SORCS3: variants seen among roughly 807,000 people sequenced by gnomAD.
SORCS3 encodes VPS10 domain-containing receptor SorCS3.
SORCS3 carries 57 observed loss-of-function variants against 146.3 expected under a neutral mutation model. The observed-to-expected ratio is 0.39, with a 90% confidence interval of 0.31 to 0.49. The LOEUF (loss-of-function observed/expected upper bound fraction) is 0.49, where lower values mean the gene tolerates loss of function less well. Among genes scored for constraint, SORCS3 ranks in the 20% least tolerant of loss-of-function variants. SORCS3 has a pLI of 0.92. For synonymous variants in SORCS3, 653 were observed against 618.5 expected (o/e 1.06, Z -0.83); for missense variants, 1,341 against 1,575.5 (o/e 0.85, Z 2.52).
At chr10:105,088,639 G>A (rs1481504136) in intron 5 of SORCS3, among the ~76,000 whole-genome samples, 2 of 152,104 alleles carry the variant, frequency 1.3e-5, no homozygotes, top group African/African-American at 4.8e-5. Flanking sequence ...CTTTTCTTCT[G>A]TGCCTTCAGC....
chr10:104,843,228 A>T (rs1180372613), intron 2 of SORCS3, among the ~76,000 whole-genome samples: 2 of 152,118 alleles, frequency 1.3e-5, no homozygotes, highest in Non-Finnish European at 2.9e-5. Flanking sequence ...TGTCTTGGCC[A>T]AAGGACTGCC....
rs763004548 is a variant in SORCS3 at position 105,263,410 on chromosome 10, T to C, written c.*36T>C. 4.4e-6 allele frequency: 7 copies of C among 1,595,342 alleles called. No homozygotes were observed. The East Asian group carries it at 1.6e-4, about 36-fold the overall frequency. ...CCACGTGGTCAACCACCTTTCTGAC[T>C]TTTTATTTTTGATGATTACTATTAC... On this transcript the variant is annotated 3_prime_UTR_variant, in exon 27 of 27. Transcript: ENST00000369701.
intron 25 of SORCS3, among the ~76,000 whole-genome samples, chr10:105,260,075 T>C (rs951375463): frequency 6.6e-6 from 1 of 152,218 alleles, no homozygotes; most frequent in Admixed American, 6.5e-5. Flanking sequence ...GATACAAAAT[T>C]TATTCTCTTC....
intron 2 of SORCS3, among the ~76,000 whole-genome samples, chr10:104,876,194 G>A (rs1357527175): frequency 6.6e-6 from 1 of 152,142 alleles, no homozygotes; most frequent in Non-Finnish European, 1.5e-5. Flanking sequence ...AAACATTCCT[G>A]AAAGAGATTT....
At chr10:104,707,613 A>G (rs1449228116) in intron 1 of SORCS3, among the ~76,000 whole-genome samples, 1 of 152,212 alleles carries the variant, frequency 6.6e-6, no homozygotes, top group Non-Finnish European at 1.5e-5. Context: ...GAGGACCTGA[A>G]TCACATTCAA....
At chr10:104,736,218 A>G (rs1030575463) in intron 1 of SORCS3, among the ~76,000 whole-genome samples, 2 of 152,106 alleles carry the variant, frequency 1.3e-5, no homozygotes, top group Admixed American at 6.6e-5. Context: ...TCATTCCTGA[A>G]CTTGGCCAGT....
chr10:105,263,765 C>T lies in SORCS3; in HGVS notation c.*391C>T, dbSNP rs1029342092. On this transcript the variant is annotated 3_prime_UTR_variant, in exon 27 of 27. Transcript: ENST00000369701. Reference sequence around the variant, plus strand: ...CTCTCCGCTTCCCCCAGCACACACACATACAACACAGATCATTTCCCAGTT... The same window carrying T: ...CTCTCCGCTTCCCCCAGCACACACATATACAACACAGATCATTTCCCAGTT... The T allele has an allele frequency of 1.1e-5, 2 of 189,276 alleles. No homozygotes were observed. Among genetic ancestry groups the T allele is most frequent in the South Asian group, 2.3e-4 (2 of 8,768 alleles). 11.7% of individuals were successfully genotyped at this position (189,276 alleles called of 1,614,324 possible). A position where few individuals can be genotyped will look rare whatever the true frequency, so the allele number is the denominator to read the frequency against.
chr10:105,143,091 T>C (rs1242149930), intron 8 of SORCS3, among the ~76,000 whole-genome samples: 1 of 152,144 alleles, frequency 6.6e-6, no homozygotes, highest in African/African-American at 2.4e-5. Context: ...TACATCCATC[T>C]ATCCACTATT....
At position 104,722,993 on chromosome 10, in the gene SORCS3, A is replaced by G. The variant is rs550993958; in HGVS notation, c.627+81039A>G. On this transcript the variant is annotated intron_variant, in intron 1 of 26. Transcript: ENST00000369701. ...CTCTATTTCCTTCAGTTCTGCTCTG[A>G]TCTTAGTTATTTCTTGCCTTCTGCT... is the stretch of plus-strand genomic sequence containing the variant. Among the ~76,000 whole-genome samples, 323 of 151,874 alleles carry G rather than the reference A, an allele frequency of 2.1e-3. 1 individual carries two copies. Among genetic ancestry groups the G allele is most frequent in the African/African-American group, 7.5e-3 (310 of 41,406 alleles).
rs375407867 is a variant in SORCS3 at position 105,217,031 on chromosome 10, C to T, written c.2643C>T (p.His881=). The part of the protein sequence containing the change: ...NFSPIEDGIK[H]VYKSAGIFQV... The stretch of plus-strand genomic sequence containing the variant: ...GCCCCATCGAGGACGGCATCAAGCA[C>T]GTGTATAAGAGTGCGGGGATCTTCC... The change falls in exon 19 of 27, where the codon CAC becomes CAT. Residue 881 remains histidine, a synonymous_variant. Transcript: ENST00000369701. 21 of 1,614,036 alleles carry T rather than the reference C, an allele frequency of 1.3e-5. No homozygotes were observed. The highest frequency in any genetic ancestry group is 6.7e-5 in the Admixed American group (4 of 59,996).
intron 5 of SORCS3, among the ~76,000 whole-genome samples, chr10:105,053,751 G>T (rs2055428201): frequency 6.6e-6 from 1 of 151,562 alleles, no homozygotes; most frequent in African/African-American, 2.4e-5. Context: ...CTAATCTATG[G>T]ATATATAATA....
intron 2 of SORCS3, among the ~76,000 whole-genome samples, chr10:104,902,906 T>G (rs1173899317): frequency 6.6e-6 from 1 of 152,194 alleles, no homozygotes; most frequent in African/African-American, 2.4e-5. Flanking sequence ...TAATTTTGAC[T>G]CCAAGCATTC....
chr10:104,641,377 T>G lies in SORCS3; in HGVS notation c.50T>G (p.Leu17Arg). 1 of 1,427,202 alleles carries G rather than the reference T, an allele frequency of 7.0e-7. No individual in the cohort carries two copies. Among genetic ancestry groups the G allele is most frequent in the Non-Finnish European group, 9.1e-7 (1 of 1,093,524 alleles). 88.4% of individuals were successfully genotyped at this position (1,427,202 alleles called of 1,614,324 possible). A position where few individuals can be genotyped will look rare whatever the true frequency, so the allele number is the denominator to read the frequency against. ...ERPAGRPGAPLVRTGLLLLST... is the reference protein window; with the variant it reads ...ERPAGRPGAPRVRTGLLLLST... ...CCCGCAGGCAGGCCGGGGGCGCCGCTTGTCCGGACGGGGCTCCTACTCTTG... is the reference window on the plus strand; with the variant it reads ...CCCGCAGGCAGGCCGGGGGCGCCGCGTGTCCGGACGGGGCTCCTACTCTTG... The change falls in exon 1 of 27, where the codon CTT (leucine) becomes CGT (arginine). Residue 17 changes from leucine to arginine, a missense_variant. Leu to Arg is a moderately radical substitution (Grantham distance 102, BLOSUM62 -2). Transcript: ENST00000369701. The surrounding 1 kb of genome is among the most constrained non-coding windows in gnomAD (Gnocchi z 6.4).
rs1431593008 is a variant in SORCS3, at chr10:104,894,465, G to A, written c.696-21368G>A. Among the ~76,000 whole-genome samples, 4 of 152,322 alleles carry A rather than the reference G, an allele frequency of 2.6e-5. 1 individual carries two copies. The highest frequency in any genetic ancestry group is 2.0e-4 in the Admixed American group (3 of 15,304). Reference sequence around the variant, plus strand: ...CTGGAAAATGACTTTGTGCTCCTTAGCTGTGCTTTAGCAAGGCAAATTTGA... The same window carrying A: ...CTGGAAAATGACTTTGTGCTCCTTAACTGTGCTTTAGCAAGGCAAATTTGA... On this transcript the variant is annotated intron_variant, in intron 2 of 26. Transcript: ENST00000369701.
intron 1 of SORCS3, among the ~76,000 whole-genome samples, chr10:104,815,923 TAG>T (rs1418779278): frequency 6.6e-6 from 1 of 152,234 alleles, no homozygotes; most frequent in Non-Finnish European, 1.5e-5. Context: ...AGTAATGATA[TAG>T]AATCTATCAT....
At chr10:105,182,348 G>C (rs1369280903) in intron 14 of SORCS3, among the ~76,000 whole-genome samples, 1 of 148,836 alleles carries the variant, frequency 6.7e-6, no homozygotes, top group Non-Finnish European at 1.5e-5. Flanking sequence ...TCATTGGGCA[G>C]ATGAGGACAC....
intron 2 of SORCS3, among the ~76,000 whole-genome samples, chr10:104,866,812 C>T (rs879591663): frequency 6.6e-6 from 1 of 151,880 alleles, no homozygotes; most frequent in Non-Finnish European, 1.5e-5. Flanking sequence ...TATTTTTTGC[C>T]CATAATCTCT....
chr10:105,206,571 T>C (rs2056604015), intron 16 of SORCS3, among the ~76,000 whole-genome samples: 1 of 152,128 alleles, frequency 6.6e-6, no homozygotes, highest in African/African-American at 2.4e-5. Flanking sequence ...TAGGCAGTAC[T>C]TCAAAGAAAT....
At chr10:105,248,713 C>T (rs1262661381) in intron 22 of SORCS3, among the ~76,000 whole-genome samples, 1 of 110,348 alleles carries the variant, frequency 9.1e-6, no homozygotes. Flanking sequence ...GACTCCATCT[C>T]AAAAAAAAAA....
Sources: allele counts gnomAD v4.1 joint callset (sites outside exome capture counted in the v4.1 genomes callset), GRCh38; gene constraint gnomAD v4.1.1; non-coding constraint Gnocchi (gnomAD v3.1); transcripts MANE v1.5; gene names NCBI Gene and HGNC (gene_info 2026-07-23, HGNC 2026-07-21).